Variants in ANKRD17 observed in about 807,000 individuals in gnomAD.
The protein encoded by ANKRD17 is ankyrin repeat domain-containing protein 17.
Under a neutral mutation model 229.7 loss-of-function variants are expected in ANKRD17, and 19 were observed. The observed-to-expected ratio is 0.08, with a 90% CI of 0.06 to 0.12. ANKRD17 has a LOEUF of 0.12. ANKRD17 is among the 10% of genes least tolerant of loss of function. ANKRD17 has a pLI of 1.00. For synonymous variants in ANKRD17, 1,112 were observed against 1,146.1 expected (o/e 0.97, Z 0.60); for missense variants, 2,176 against 3,176.8 (o/e 0.68, Z 7.57).
chr4:73,206,624 T>C (rs576530674), intron 1 of ANKRD17, among the ~76,000 whole-genome samples: 1 of 152,086 alleles, frequency 6.6e-6, no homozygotes, highest in South Asian at 2.1e-4. Context: ...AAAAGCTGAA[T>C]TCATAGAAGC....
intron 1 of ANKRD17, among the ~76,000 whole-genome samples, chr4:73,225,262 T>C (rs1215829206): frequency 6.6e-6 from 1 of 152,168 alleles, no homozygotes; most frequent in Non-Finnish European, 1.5e-5. Flanking sequence ...TATCAAGCAA[T>C]GATAGGTTTG....
chr4:73,135,428 A>T (rs1311112214), intron 15 of ANKRD17, among the ~76,000 whole-genome samples, 163 bp from the exon 16 acceptor site: 8 of 152,226 alleles, frequency 5.3e-5, no homozygotes, highest in African/African-American at 1.9e-4. Context: ...CACTGATGAC[A>T]GTGTAAAATT....
chr4:73,163,723 C>A (rs1024292978), intron 2 of ANKRD17, among the ~76,000 whole-genome samples: 4 of 152,130 alleles, frequency 2.6e-5, no homozygotes, highest in South Asian at 2.1e-4. Flanking sequence ...TGCTTTATAG[C>A]GATATCTGCA....
chr4:73,107,860 T>C (rs1383074747), intron 24 of ANKRD17, among the ~76,000 whole-genome samples: 4 of 152,104 alleles, frequency 2.6e-5, no homozygotes, highest in African/African-American at 4.8e-5. Context: ...AAGTGTGATA[T>C]GATTTGATTT....
chr4:73,207,270 T>A (rs1313189399), intron 1 of ANKRD17, among the ~76,000 whole-genome samples: 1 of 152,164 alleles, frequency 6.6e-6, no homozygotes, highest in Non-Finnish European at 1.5e-5. Flanking sequence ...ATAATATTTG[T>A]CAATTTAAAT....
At chr4:73,198,770 C>G (rs1363642881) in intron 1 of ANKRD17, among the ~76,000 whole-genome samples, 1 of 152,098 alleles carries the variant, frequency 6.6e-6, no homozygotes, top group Non-Finnish European at 1.5e-5. Context: ...CACCACAGAT[C>G]CCAACAAAAT....
At chr4:73,096,053 A>G (rs1024268825) in intron 27 of ANKRD17, among the ~76,000 whole-genome samples, 1 of 152,218 alleles carries the variant, frequency 6.6e-6, no homozygotes, top group Admixed American at 6.5e-5. Flanking sequence ...AGTTCTCAAT[A>G]AAGAGAAGCA....
chr4:73,095,117 T>C (rs527459917), intron 27 of ANKRD17, among the ~76,000 whole-genome samples: 1 of 151,578 alleles, frequency 6.6e-6, no homozygotes, highest in East Asian at 2.0e-4. Flanking sequence ...GAGGTTGCTG[T>C]GGACTGAGAT....
intron 1 of ANKRD17, among the ~76,000 whole-genome samples, chr4:73,236,691 G>C (rs1393431334): frequency 1.3e-5 from 2 of 151,992 alleles, no homozygotes; most frequent in Non-Finnish European, 2.9e-5. Flanking sequence ...TTCCAAAATA[G>C]TATATAAGAA....
intron 1 of ANKRD17, among the ~76,000 whole-genome samples, chr4:73,179,466 A>ATGTGTGTGTGTG (rs55769249): frequency 1.3e-3 from 82 of 60,770 alleles, no homozygotes; most frequent in African/African-American, 3.4e-3. Flanking sequence ...ATATGTATAT[A>ATGTGTGTGTGTG]TGTGTGTGTG....
intron 5 of ANKRD17, among the ~76,000 whole-genome samples, chr4:73,154,754 A>G (rs1238153824): frequency 6.6e-6 from 1 of 151,684 alleles, no homozygotes; most frequent in African/African-American, 2.4e-5. Flanking sequence ...AAAACATTTA[A>G]TAACGGGCCG....
chr4:73,125,765 G>GAAAAT (rs1553918525), intron 16 of ANKRD17, among the ~76,000 whole-genome samples: 1 of 149,444 alleles, frequency 6.7e-6, no homozygotes, highest in Non-Finnish European at 1.5e-5. Flanking sequence ...GAAAAGAAAA[G>GAAAAT]CAAGGTTTAC....
At chr4:73,186,919 G>A (rs973400751) in intron 1 of ANKRD17, among the ~76,000 whole-genome samples, 1 of 151,984 alleles carries the variant, frequency 6.6e-6, no homozygotes, top group Non-Finnish European at 1.5e-5. Flanking sequence ...AAAAGCAGCT[G>A]CAGAATATAA....
At chr4:73,126,107 A>G (rs987258333) in intron 16 of ANKRD17, among the ~76,000 whole-genome samples, 1 of 152,170 alleles carries the variant, frequency 6.6e-6, no homozygotes, top group African/African-American at 2.4e-5. Flanking sequence ...AGTCTCCCCA[A>G]CTTGAGAAGA....
In ANKRD17 at chr4:73,102,364, A is replaced by C; in HGVS notation, c.4573+12T>G. 1 of 1,574,762 alleles carries C rather than the reference A, an allele frequency of 6.4e-7. No homozygotes were observed. The highest frequency in any genetic ancestry group is 8.5e-7 in the Non-Finnish European group (1 of 1,170,176). ...ATATAAAACAAATGGGATGGTTGTTAAGAGAAAATACCTTCAACTTTAAGC... is the reference window on the plus strand; with the variant it reads ...ATATAAAACAAATGGGATGGTTGTTCAGAGAAAATACCTTCAACTTTAAGC... On this transcript the variant is annotated intron_variant, in intron 25 of 33. Coordinates refer to ENST00000358602, the MANE Select transcript of ANKRD17 (RefSeq NM_032217.5).
At chr4:73,112,797 T>A (rs1338973515) in intron 24 of ANKRD17, 3 of 720,400 alleles carry the variant, frequency 4.2e-6, no homozygotes, top group Non-Finnish European at 5.1e-6. Flanking sequence ...AAAATTTTAT[T>A]TATTTTTTGA....
Position 73,094,124 on chromosome 4 carries a change from A to G in ANKRD17, c.5282T>C (p.Ile1761Thr), listed in dbSNP as rs1388418054. 6.2e-7 allele frequency: 1 copy of G among 1,613,828 alleles called. No homozygotes were observed. The highest frequency in any genetic ancestry group is 1.7e-5 in the Admixed American group (1 of 60,028). ...IREFTGAHIDIDKQKDKTGDR... is the reference protein window; with the variant it reads ...IREFTGAHIDTDKQKDKTGDR... ...TCCAGTCTTGTCTTTCTGTTTATCA[A>G]TATCTATGTGTGCACCAGTAAACTC... The change falls in exon 28 of 34, where the codon ATT becomes ACT. Residue 1761 changes from isoleucine (I) to threonine (T), a missense_variant. By Grantham distance (89) the Ile-to-Thr change is moderately conservative. Around this residue, in one of 18 missense-constraint regions of ANKRD17, gnomAD observed 27 missense variants for 89.2 expected, o/e 0.30. Coordinates refer to ENST00000358602, the MANE Select transcript of ANKRD17 (RefSeq NM_032217.5).
chr4:73,233,105 A>G lies in ANKRD17; in HGVS notation c.393+25171T>C, dbSNP rs112348591. 1.9e-3 allele frequency among the ~76,000 whole-genome samples: 287 copies of G among 152,230 alleles called. 1 individual carries two copies. Among genetic ancestry groups the G allele is most frequent in the African/African-American group, 6.6e-3 (275 of 41,538 alleles). ...CAAAGGCTACAAAGGCACAAGACGA[A>G]CCATAAGTCTTGTTACCCTCCTGCA... On this transcript the variant is annotated intron_variant, in intron 1 of 33. Transcript: ENST00000358602.
intron 25 of ANKRD17, among the ~76,000 whole-genome samples, chr4:73,102,023 C>T (rs1578051974): frequency 6.6e-6 from 1 of 152,188 alleles, no homozygotes; most frequent in African/African-American, 2.4e-5. Context: ...GTCTCAACCT[C>T]CCAGGCTGAA....
Sources: allele counts gnomAD v4.1 joint callset (sites outside exome capture counted in the v4.1 genomes callset), GRCh38; gene constraint gnomAD v4.1.1; regional missense constraint gnomAD v4.1.1; transcripts MANE v1.5; gene names NCBI Gene and HGNC (gene_info 2026-07-23, HGNC 2026-07-21).